Variants in CFAP20DC observed in about 807,000 individuals in gnomAD.
CFAP20DC encodes the protein CFAP20 domain containing.
CFAP20DC carries 84 observed loss-of-function variants against 101.7 expected under a neutral mutation model. The ratio of observed to expected loss-of-function variants is 0.83; its 90% CI spans 0.69 to 0.99. The LOEUF (loss-of-function observed/expected upper bound fraction) is 0.99, where lower values mean the gene tolerates loss of function less well. Among genes scored for constraint, CFAP20DC ranks in the 50% least tolerant of loss-of-function variants. CFAP20DC has a pLI of 0.00. For synonymous variants in CFAP20DC, 359 were observed against 351.2 expected, an observed-to-expected ratio of 1.02 and a Z score of -0.25; for missense variants, 1,007 against 970.3, an observed-to-expected ratio of 1.04 and a Z score of -0.50.
At chr3:58,754,972 A>G (rs1031492894) in intron 15 of CFAP20DC, among the ~76,000 whole-genome samples, 1 of 152,204 alleles carries the variant, frequency 6.6e-6, no homozygotes, top group Admixed American at 6.5e-5. Context: ...TATCATCTTC[A>G]TTATCAATGA....
intron 5 of CFAP20DC, among the ~76,000 whole-genome samples, chr3:58,929,321 A>G (rs2086325336): frequency 6.6e-6 from 1 of 152,222 alleles, no homozygotes; most frequent in Non-Finnish European, 1.5e-5. Flanking sequence ...TTAACTGACA[A>G]GGGTGACTGA....
At chr3:58,794,207 C>A in intron 15 of CFAP20DC, 1 of 363,232 alleles carries the variant, frequency 2.8e-6, no homozygotes. Flanking sequence ...TGCCTTCTAA[C>A]CAGTCTTGTT....
intron 3 of CFAP20DC, chr3:58,734,603 A>G (rs994984261): frequency 2.2e-6 from 1 of 456,272 alleles, no homozygotes; most frequent in African/African-American, 2.0e-5. Flanking sequence ...CACTTCACAA[A>G]TGGATGTCAT....
At chr3:58,802,084 T>A (rs1228810794) in intron 15 of CFAP20DC, among the ~76,000 whole-genome samples, 1 of 152,198 alleles carries the variant, frequency 6.6e-6, no homozygotes, top group African/African-American at 2.4e-5. Flanking sequence ...AACGAAAGAC[T>A]GGTTATTGAC....
rs555923049 is a variant in CFAP20DC at position 58,812,098 on chromosome 3, CT to C, written c.2176-5643del. On this transcript the variant is annotated intron_variant, in intron 14 of 16. Coordinates refer to ENST00000482387, the MANE Select transcript of CFAP20DC (RefSeq NM_001394063.1). ...GTGGAGAAATAGGAACACTTTTACA[CT>C]GTTGCTGGGACTGTAAACTAGCTCG... is the stretch of plus-strand genomic sequence containing the variant. Among the ~76,000 whole-genome samples, 1,179 of 152,272 alleles carry C rather than the reference CT, an allele frequency of 7.7e-3. 14 individuals are homozygous for C. The highest frequency in any genetic ancestry group is 0.028 in the African/African-American group (1,143 of 41,556).
chr3:59,010,058 T>C (rs1212242815), intron 4 of CFAP20DC, among the ~76,000 whole-genome samples: 2 of 150,914 alleles, frequency 1.3e-5, no homozygotes, highest in Non-Finnish European at 3.0e-5. Flanking sequence ...CTGAAAGGAG[T>C]TCTAAATCTT....
At chr3:58,978,716 CA>C (rs201916298) in intron 4 of CFAP20DC, among the ~76,000 whole-genome samples, 2,624 of 66,516 alleles carry the variant, frequency 0.039, 33 homozygotes, top group African/African-American at 0.075. Context: ...TCCCTGTCTG[CA>C]AAAAAAAAAA....
At chr3:58,829,208 C>A (rs912347404) in intron 14 of CFAP20DC, among the ~76,000 whole-genome samples, 2 of 150,938 alleles carry the variant, frequency 1.3e-5, no homozygotes, top group African/African-American at 4.9e-5. Context: ...TGATGGGTGC[C>A]TGTAATCCCT....
chr3:58,841,953 T>A (rs550167299), intron 13 of CFAP20DC, among the ~76,000 whole-genome samples: 1 of 152,366 alleles, frequency 6.6e-6, no homozygotes, highest in African/African-American at 2.4e-5. Flanking sequence ...AATACAGTTA[T>A]ACGTGCGAAA....
rs182895374 is a variant in CFAP20DC, at chr3:58,832,732, T to A, written c.1972-843A>T. The stretch of plus-strand genomic sequence containing the variant: ...TTTTGAAAAAGAATACTACTACAGA[T>A]CTTTAGATGCTAGTATAAATATTAT... On this transcript the variant is annotated intron_variant, in intron 13 of 16. Coordinates refer to ENST00000482387, the MANE Select transcript of CFAP20DC (RefSeq NM_001394063.1). Among the ~76,000 whole-genome samples the A allele has an allele frequency of 2.6e-5, 4 of 152,318 alleles. No homozygotes were observed. In the East Asian group the frequency reaches 7.7e-4, roughly 29 times the overall value.
At chr3:58,843,083 G>A (rs577961571) in intron 13 of CFAP20DC, among the ~76,000 whole-genome samples, 6 of 152,262 alleles carry the variant, frequency 3.9e-5, no homozygotes, top group African/African-American at 1.4e-4. Flanking sequence ...CAGAAAAACT[G>A]GAAACTCTAA....
intron 6 of CFAP20DC, among the ~76,000 whole-genome samples, chr3:58,896,833 T>C (rs767609158): frequency 1.3e-5 from 2 of 150,950 alleles, no homozygotes; most frequent in Non-Finnish European, 2.9e-5. Context: ...GTGAGTGTCA[T>C]GTGGGGATGA....
chr3:58,945,884 A>G (rs1049102101), intron 4 of CFAP20DC, among the ~76,000 whole-genome samples: 8 of 151,678 alleles, frequency 5.3e-5, no homozygotes, highest in Non-Finnish European at 8.8e-5. Flanking sequence ...TTTAGTACAG[A>G]TGAGGTTTCA....
At chr3:59,043,338 G>A (rs1576820572) in intron 3 of CFAP20DC, among the ~76,000 whole-genome samples, 1 of 151,924 alleles carries the variant, frequency 6.6e-6, no homozygotes, top group East Asian at 1.9e-4. Context: ...GACATCTTGG[G>A]TATGAGTGAG....
At position 59,015,517 on chromosome 3, in the gene CFAP20DC, G is replaced by T; in HGVS notation, c.278+24040C>A. Among the ~76,000 whole-genome samples the T allele has an allele frequency of 6.6e-6, 1 of 151,718 alleles. No homozygotes were observed. Among genetic ancestry groups the T allele is most frequent in the Non-Finnish European group, 1.5e-5 (1 of 67,888 alleles). ...AAAGAAGAAACAAAATGGCAGAAAA[G>T]GGGAGAAAGAAAAAGGAAGAGGAAA... On this transcript the variant is annotated intron_variant, in intron 4 of 16. Coordinates refer to ENST00000482387, the MANE Select transcript of CFAP20DC (RefSeq NM_001394063.1). The surrounding 1 kb of genome is among the most constrained non-coding windows in gnomAD (Gnocchi z 5.4).
Position 58,831,976 on chromosome 3 carries a change from A to G in CFAP20DC, c.1972-87T>C, listed in dbSNP as rs997324393. ...ATGCCACAGCCTTAACCCCTACAGC[A>G]GCTCCCCCAACTGACAGAGGCCCAA... On this transcript the variant is annotated intron_variant, in intron 13 of 16. Coordinates refer to ENST00000482387, the MANE Select transcript of CFAP20DC (RefSeq NM_001394063.1). The G allele has an allele frequency of 7.9e-6, 9 of 1,142,422 alleles. No homozygotes were observed. The African/African-American group carries it at 1.1e-4, about 13-fold the overall frequency. The allele number at this position is 1,142,422 out of a possible 1,614,324, so 70.8% of individuals were successfully genotyped here. A position where few individuals can be genotyped will look rare whatever the true frequency, so the allele number is the denominator to read the frequency against.
intron 5 of CFAP20DC, among the ~76,000 whole-genome samples, chr3:58,932,597 GA>G (rs2086873520): frequency 2.0e-5 from 3 of 152,200 alleles, no homozygotes; most frequent in South Asian, 4.1e-4. Flanking sequence ...CTACAAGCCA[GA>G]AGAGAGTGGG....
chr3:58,809,018 T>A (rs1446551888), intron 14 of CFAP20DC, among the ~76,000 whole-genome samples: 1 of 151,900 alleles, frequency 6.6e-6, no homozygotes, highest in Non-Finnish European at 1.5e-5. Context: ...GAGCTAACTA[T>A]CCTAAATATA....
chr3:58,793,169 C>A (rs1290012329), intron 15 of CFAP20DC, among the ~76,000 whole-genome samples: 1 of 152,136 alleles, frequency 6.6e-6, no homozygotes, highest in African/African-American at 2.4e-5. Context: ...ATTAAATCAG[C>A]ACAAACCTGC....
Sources: gnomAD v4.1 joint callset for allele counts (sites outside exome capture counted in the v4.1 genomes callset) on GRCh38, gnomAD v4.1.1 for gene constraint, Gnocchi (gnomAD v3.1) non-coding constraint, MANE v1.5 for transcripts, NCBI Gene and HGNC (gene_info 2026-07-23, HGNC 2026-07-21) for gene names.